The following MYO1F variants were observed in gnomAD, a reference collection of about 807,000 sequenced individuals.
MYO1F encodes unconventional myosin-If.
Under a neutral mutation model 146.6 loss-of-function variants are expected in MYO1F, and 60 were observed. That is an observed-to-expected ratio of 0.41 (90% CI 0.33 to 0.51). The LOEUF (loss-of-function observed/expected upper bound fraction) is 0.51. MYO1F is among the 20% of genes least tolerant of loss of function. The pLI is 0.25. For synonymous variants in MYO1F, 602 were observed against 602.1 expected, an observed-to-expected ratio of 1.00 and a Z score of 0.00; for missense variants, 1,274 against 1,534.3, an observed-to-expected ratio of 0.83 and a Z score of 2.83.
chr19:8,574,824 C>T (rs181359205), intron 1 of MYO1F, among the ~76,000 whole-genome samples: 4 of 147,488 alleles, frequency 2.7e-5, no homozygotes, highest in Admixed American at 6.9e-5. Flanking sequence ...GGCGTGATCT[C>T]GTCTCATTGC....
intron 1 of MYO1F, among the ~76,000 whole-genome samples, chr19:8,561,479 T>TC (rs1491581732): frequency 6.9e-6 from 1 of 145,082 alleles, no homozygotes; most frequent in Non-Finnish European, 1.5e-5. Context: ...TCTTTCTTTT[T>TC]CTCTTTCTTT....
At chr19:8,522,045 C>T (rs1440403397) in intron 27 of MYO1F, among the ~76,000 whole-genome samples, 9 of 141,926 alleles carry the variant, frequency 6.3e-5, no homozygotes, top group Middle Eastern at 3.8e-3. Context: ...TTTTTTGAGA[C>T]GGAGTCTCGC....
chr19:8,525,600 A>G, intron 24 of MYO1F, 38 bp from the exon 25 acceptor site: 1 of 1,559,074 alleles, frequency 6.4e-7, no homozygotes, highest in East Asian at 2.2e-5. Flanking sequence ...TGACAGACAG[A>G]CCACGCTCTT....
At chr19:8,559,450 G>T (rs976309358) in intron 1 of MYO1F, among the ~76,000 whole-genome samples, 2 of 152,142 alleles carry the variant, frequency 1.3e-5, no homozygotes. Context: ...TGGCATAAGG[G>T]TAGATCTGGG....
At chr19:8,525,199 C>T (rs544345306) in intron 25 of MYO1F, 2 of 75,078 alleles carry the variant, frequency 2.7e-5, no homozygotes, top group African/African-American at 1.5e-4. Context: ...GACTCCATCT[C>T]AAAAAAAAAA....
chr19:8,559,952 G>GA (rs60369992), intron 1 of MYO1F, among the ~76,000 whole-genome samples: 68,666 of 108,366 alleles, frequency 0.63, 24,171 homozygotes, highest in Non-Finnish European at 0.79. Flanking sequence ...CTCCATCTCA[G>GA]AAAAAAAAAA....
chr19:8,522,230 G>A (rs1235837139), intron 27 of MYO1F, 147 bp downstream of exon 27: 9 of 1,011,290 alleles, frequency 8.9e-6, no homozygotes, highest in Admixed American at 4.0e-5. Context: ...CACTGTGTTA[G>A]CCAGGATGGT....
At position 8,546,224 on chromosome 19, in the gene MYO1F, C is replaced by T. The variant is rs143326184; in HGVS notation, c.1270-488G>A. ...GGATTACAGGTATGTGCCACCACGC[C>T]GGACTAATTTTGTATTTTTAGTAGA... On this transcript the variant is annotated intron_variant, in intron 12 of 27. Coordinates refer to ENST00000644032, the MANE Select transcript of MYO1F (RefSeq NM_012335.4). Among the ~76,000 whole-genome samples the T allele has an allele frequency of 1.4e-3, 206 of 151,922 alleles. 1 individual carries two copies. The East Asian group carries it at 0.018, about 13-fold the overall frequency.
intron 13 of MYO1F, 61 bp from the exon 14 acceptor site, chr19:8,544,525 C>T (rs913628711): frequency 1.3e-5 from 18 of 1,391,536 alleles, no homozygotes; most frequent in East Asian, 3.4e-5. Context: ...CCCCACAGCT[C>T]GTCAGTGCAG....
At position 8,550,807 on chromosome 19, in the gene MYO1F, C is replaced by T; in HGVS notation, c.772-113G>A. ...CTCAGGGAGTGAGCACCCTTGGGTC[C>T]CTGTCCTACCCCTTTCAGTCACTTG... On this transcript the variant is annotated intron_variant, in intron 8 of 27. Transcript: ENST00000644032. The T allele has an allele frequency of 2.1e-6, 3 of 1,408,246 alleles. No individual in the cohort carries two copies. The Admixed American group carries it at 5.4e-5, about 25-fold the overall frequency. The allele number at this position is 1,408,246 out of a possible 1,614,324, so 87.2% of individuals were successfully genotyped here.
At chr19:8,548,216 G>C in intron 11 of MYO1F, 21 bp downstream of exon 11, 2 of 1,613,680 alleles carry the variant, frequency 1.2e-6, no homozygotes, top group Non-Finnish European at 1.7e-6. Flanking sequence ...CAGGATGTGG[G>C]CTGGAGGCAG....
chr19:8,565,851 G>A (rs1371042298), intron 1 of MYO1F, among the ~76,000 whole-genome samples: 1 of 152,124 alleles, frequency 6.6e-6, no homozygotes, highest in East Asian at 1.9e-4. Context: ...CACTTTGGGA[G>A]GCTGAGGTGG....
In MYO1F at chr19:8,561,855, T is replaced by A. The variant is rs1466171762; in HGVS notation, c.4-6059A>T. 2.0e-5 allele frequency among the ~76,000 whole-genome samples: 3 copies of A among 151,910 alleles called. No homozygotes were observed. The East Asian group carries it at 5.8e-4, about 30-fold the overall frequency. On this transcript the variant is annotated intron_variant, in intron 1 of 27. Coordinates refer to ENST00000644032, the MANE Select transcript of MYO1F (RefSeq NM_012335.4). The stretch of plus-strand genomic sequence containing the variant: ...CCTCAGCCTCCCGGGCAGCTGGGAC[T>A]ATAGGCGCGCACCACCACACCCGGC...
intron 1 of MYO1F, among the ~76,000 whole-genome samples, chr19:8,561,232 G>T (rs1974087328): frequency 1.3e-5 from 2 of 152,038 alleles, no homozygotes; most frequent in African/African-American, 4.8e-5. Flanking sequence ...ACCAGTCAGG[G>T]TTAACTGTCT....
At position 8,577,140 on chromosome 19, in the gene MYO1F, A is replaced by C; in HGVS notation, c.3+167T>G. ...TACAGATGGGAGCTTGCTCCCTGGT[A>C]AGGGATGCTGGAGGCACCTGAGCTG... On this transcript the variant is annotated intron_variant, in intron 1 of 27. Transcript: ENST00000644032. The surrounding 1 kb of genome is among the most constrained non-coding windows in gnomAD (Gnocchi z 4.3). 1 of 783,166 alleles carries C rather than the reference A, an allele frequency of 1.3e-6. No individual in the cohort carries two copies. The highest frequency in any genetic ancestry group is 2.2e-6 in the Non-Finnish European group (1 of 459,586). 48.5% of individuals were successfully genotyped at this position (783,166 alleles called of 1,614,324 possible).
At chr19:8,546,977 CCT>C (rs374031772) in intron 12 of MYO1F, among the ~76,000 whole-genome samples, 7 of 151,178 alleles carry the variant, frequency 4.6e-5, no homozygotes, top group Non-Finnish European at 3.0e-5. Context: ...CTGCACCCAG[CCT>C]CTCTCTCTCT....
At chr19:8,553,500 C>G in intron 4 of MYO1F, 63 bp from the exon 5 acceptor site, 1 of 1,327,076 alleles carries the variant, frequency 7.5e-7, no homozygotes, top group Non-Finnish European at 1.1e-6. Context: ...AGTGCCTGAC[C>G]ATTCATTCAT....
At chr19:8,543,741 GTGCTGGTGGTGGTGGTGGTGGTGGTGC>G in intron 14 of MYO1F, among the ~76,000 whole-genome samples, 1 of 11,578 alleles carries the variant, frequency 8.6e-5, no homozygotes, top group Admixed American at 8.2e-4. Flanking sequence ...GGTGCTGGTG[GTGCTGGTGGTGGTGGTGGTGGTGGTGC>G]TGGTGGTGCT....
chr19:8,550,315 GC>G lies in MYO1F; in HGVS notation c.945del (p.Arg316AspfsTer6). 6.2e-7 allele frequency: 1 copy of G among 1,613,664 alleles called. No homozygotes were observed. Among genetic ancestry groups the G allele is most frequent in the South Asian group, 1.1e-5 (1 of 91,018 alleles). ...CGGCTGGTCAGCTTCTCCTGCAGTC[GC>G]CCGCTGTCAATGCCCAGCAGGTAGG... ...FPAYLLGIDS[G>X]RLQEKLTSRK... is the part of the protein sequence containing the mutation. On this transcript the variant is annotated frameshift_variant, in exon 10 of 28. Transcript: ENST00000644032. LOFTEE classifies it high-confidence loss of function.
Sources: allele counts gnomAD v4.1 joint callset (sites outside exome capture counted in the v4.1 genomes callset), GRCh38; gene constraint gnomAD v4.1.1; non-coding constraint Gnocchi (gnomAD v3.1); transcripts MANE v1.5; gene names NCBI Gene and HGNC (gene_info 2026-07-23, HGNC 2026-07-21).